The following CNKSR2 variants were observed in gnomAD, a reference collection of about 807,000 sequenced individuals.
CNKSR2 encodes the protein connector enhancer of kinase suppressor of Ras 2.
A neutral mutation model predicts 84.4 loss-of-function variants in CNKSR2; 14 were observed. The observed-to-expected ratio is 0.17, with a 90% CI of 0.11 to 0.26. CNKSR2 has a LOEUF of 0.26. Among genes scored for constraint, CNKSR2 ranks in the 10% least tolerant of loss-of-function variants. CNKSR2 has a pLI of 1.00. For synonymous variants in CNKSR2, 275 were observed against 277.9 expected (o/e 0.99, Z 0.10); for missense variants, 485 against 771.2 (o/e 0.63, Z 4.40).
At chrX:21,400,538 C>T (rs189818498) in intron 1 of CNKSR2, among the ~76,000 whole-genome samples, 183 of 111,085 alleles carry the variant, frequency 1.6e-3, no homozygotes, top group African/African-American at 5.6e-3. Flanking sequence ...AGGAAATCAC[C>T]CTAGTTAATA....
At chrX:21,576,431 A>T (rs1016548039) in intron 13 of CNKSR2, among the ~76,000 whole-genome samples, 1 of 111,719 alleles carries the variant, frequency 9.0e-6, no homozygotes, top group Non-Finnish European at 1.9e-5. Flanking sequence ...AAGAAGAAAG[A>T]TGGCAATAAT....
chrX:21,495,822 A>AAAAAAAAAAC (rs1231075186), intron 6 of CNKSR2: 1 of 75,877 alleles, frequency 1.3e-5, no homozygotes, highest in African/African-American at 4.9e-5. Context: ...AAAAAAAAAA[A>AAAAAAAAAAC]CACGAAAAAT....
chrX:21,577,624 CT>C (rs372061050), intron 13 of CNKSR2, among the ~76,000 whole-genome samples: 2 of 108,220 alleles, frequency 1.8e-5, no homozygotes, highest in African/African-American at 6.7e-5. Context: ...AGGCAATTGG[CT>C]TTTTTTTTGC....
chrX:21,541,216 C>T (rs747432212), intron 11 of CNKSR2, among the ~76,000 whole-genome samples: 2 of 111,130 alleles, frequency 1.8e-5, no homozygotes, highest in African/African-American at 3.3e-5. Flanking sequence ...CTCTTGACCT[C>T]GTGATCTGCC....
intron 11 of CNKSR2, among the ~76,000 whole-genome samples, chrX:21,537,606 A>G (rs1270731417): frequency 9.0e-6 from 1 of 111,404 alleles, no homozygotes; most frequent in Admixed American, 9.5e-5. Context: ...TTCCTTTGTC[A>G]TTATATAATG....
At chrX:21,598,951 C>T (rs1043093062) in intron 17 of CNKSR2, among the ~76,000 whole-genome samples, 20 of 112,720 alleles carry the variant, frequency 1.8e-4, no homozygotes, top group African/African-American at 6.4e-4. Context: ...TAGTTTAATC[C>T]TAAAGGATAA....
At chrX:21,462,887 A>G (rs1367403016) in intron 4 of CNKSR2, among the ~76,000 whole-genome samples, 3 of 109,097 alleles carry the variant, frequency 2.7e-5, no homozygotes, top group Admixed American at 9.8e-5. Flanking sequence ...CTAATTTTTT[A>G]GTAGAGATGG....
intron 6 of CNKSR2, among the ~76,000 whole-genome samples, chrX:21,496,084 GTATCTAAACA>G (rs1179009933): frequency 6.3e-5 from 7 of 110,659 alleles, no homozygotes; most frequent in Non-Finnish European, 1.1e-4. Context: ...AAGTATCTGT[GTATCTAAACA>G]TATCTAAACA....
chrX:21,433,934 TATTAAA>T (rs960423905), intron 3 of CNKSR2, among the ~76,000 whole-genome samples: 1 of 111,175 alleles, frequency 9.0e-6, no homozygotes, highest in Non-Finnish European at 1.9e-5. Flanking sequence ...ATTATAACAT[TATTAAA>T]ATTTAATTTT....
chrX:21,402,693 A>G (rs781306913), intron 1 of CNKSR2, among the ~76,000 whole-genome samples: 2 of 111,192 alleles, frequency 1.8e-5, no homozygotes, highest in East Asian at 2.8e-4. Flanking sequence ...TTAGGACATA[A>G]TTCTTAAATT....
In CNKSR2 at chrX:21,541,652, G is replaced by A. The variant is rs183010425; in HGVS notation, c.1303+9585G>A. On this transcript the variant is annotated intron_variant, in intron 11 of 21. Transcript: ENST00000379510. The stretch of plus-strand genomic sequence containing the variant: ...GAACCTAGAGACAACATTAAGTGAG[G>A]ACTTACTGTAATACCTGTTGAGCGT... Among the ~76,000 whole-genome samples the A allele has an allele frequency of 2.7e-5, 3 of 111,639 alleles. No homozygotes were observed. In the Admixed American group the frequency reaches 2.8e-4, roughly 11 times the overall value.
rs550338786 is a variant in CNKSR2 at position 21,531,644 on chromosome X, C to T, written c.1092-212C>T. ...ATTCTGTCAGTTATTAGCTGTGTAA[C>T]ATTGAGGCAAGTTGTTTAGCCTTTC... On this transcript the variant is annotated intron_variant, in intron 10 of 21. Transcript: ENST00000379510. Among the ~76,000 whole-genome samples, 65 of 111,348 alleles carry T rather than the reference C, an allele frequency of 5.8e-4. No homozygotes were observed. In the South Asian group the frequency reaches 7.1e-3, roughly 12 times the overall value.
chrX:21,440,619 C>T (rs1292149252), intron 3 of CNKSR2, 75 bp from the exon 4 acceptor site: 22 of 438,378 alleles, frequency 5.0e-5, no homozygotes, highest in Non-Finnish European at 8.5e-5. Flanking sequence ...TTGATAAACT[C>T]ATTTTAGGCT....
At chrX:21,487,426 CAGAG>C (rs1240141774) in intron 5 of CNKSR2, among the ~76,000 whole-genome samples, 1 of 111,496 alleles carries the variant, frequency 9.0e-6, no homozygotes, top group African/African-American at 3.3e-5. Flanking sequence ...TATATATAGA[CAGAG>C]AGCCATTTAT....
intron 8 of CNKSR2, among the ~76,000 whole-genome samples, chrX:21,513,469 A>G (rs1374374852): frequency 1.8e-5 from 2 of 112,332 alleles, no homozygotes; most frequent in Non-Finnish European, 3.8e-5. Context: ...ATGCAAGAAT[A>G]TTGAAACATC....
Position 21,498,734 on chromosome X carries a change from A to G in CNKSR2, c.741+888A>G, listed in dbSNP as rs527417171. ...GATCAGTGTGATAGAGGTGAACAGCATAATACATCATCATTCTTGCATTTG... is the reference window on the plus strand; with the variant it reads ...GATCAGTGTGATAGAGGTGAACAGCGTAATACATCATCATTCTTGCATTTG... On this transcript the variant is annotated intron_variant, in intron 7 of 21. Transcript: ENST00000379510. Among the ~76,000 whole-genome samples, 5 of 112,265 alleles carry G rather than the reference A, an allele frequency of 4.5e-5. No individual in the cohort carries two copies. The East Asian group carries it at 8.4e-4, about 19-fold the overall frequency.
intron 6 of CNKSR2, chrX:21,492,219 A>G (rs2091449285): frequency 9.0e-6 from 1 of 111,713 alleles, no homozygotes; most frequent in African/African-American, 3.2e-5. Context: ...AATGGGCTTT[A>G]TGAAATCTTG....
chrX:21,638,697 T>C (rs1199954443), intron 20 of CNKSR2, among the ~76,000 whole-genome samples: 1 of 112,358 alleles, frequency 8.9e-6, no homozygotes, highest in Non-Finnish European at 1.9e-5. Flanking sequence ...CATAGATATG[T>C]TGCTCTCATT....
At chrX:21,583,613 AAG>A (rs1178444674) in intron 13 of CNKSR2, among the ~76,000 whole-genome samples, 1 of 112,049 alleles carries the variant, frequency 8.9e-6, no homozygotes, top group Non-Finnish European at 1.9e-5. Context: ...AAATTACAGT[AAG>A]AGGAAATTGC....
Sources: gnomAD v4.1 joint callset for allele counts (sites outside exome capture counted in the v4.1 genomes callset) on GRCh38, gnomAD v4.1.1 for gene constraint, MANE v1.5 for transcripts, NCBI Gene and HGNC (gene_info 2026-07-23, HGNC 2026-07-21) for gene names.